Variants in SUN5 observed in about 807,000 individuals in gnomAD.
The protein encoded by SUN5 is SUN domain-containing protein 5.
A neutral mutation model predicts 53.7 loss-of-function variants in SUN5; 44 were observed. The ratio of observed to expected loss-of-function variants is 0.82; its 90% CI spans 0.64 to 1.05. SUN5 has a LOEUF of 1.05. Ranked by LOEUF, SUN5 falls within the 50% of genes least tolerant of loss-of-function variation. The probability of loss-of-function intolerance (pLI) is 0.00; values close to 1 mark genes in which losing one functional copy is unlikely to be tolerated. For synonymous variants in SUN5, 166 were observed against 179.8 expected (o/e 0.92, Z 0.62); for missense variants, 433 against 483.8 (o/e 0.90, Z 0.98).
intron 7 of SUN5, 135 bp from the exon 8 acceptor site, chr20:32,995,862 C>G (rs1056910463): frequency 1.4e-6 from 1 of 736,130 alleles, no homozygotes; most frequent in Admixed American, 2.2e-5. Context: ...CATCCCTGGA[C>G]CCATTCATCA....
Position 32,989,659 on chromosome 20 carries a change from C to A in SUN5, c.574G>T (p.Asp192Tyr). 1 of 1,614,070 alleles carries A rather than the reference C, an allele frequency of 6.2e-7. No homozygotes were observed. Among genetic ancestry groups the A allele is most frequent in the Non-Finnish European group, 8.5e-7 (1 of 1,180,032 alleles). ...GCAAAGTCTGGCTTTTCGATGTAAT[C>A]TCCGTGTATCATCTTCATTATTTTC... Reference protein sequence around the residue: ...AQKIMKMIHGDYIEKPDFALK... With the variant: ...AQKIMKMIHGYYIEKPDFALK... Residue 192 changes from aspartate (D) to tyrosine (Y), a missense_variant, in exon 9 of 13, where the codon GAT becomes TAT. By Grantham distance (160) the Asp-to-Tyr change is radical (BLOSUM62 -3). Coordinates refer to ENST00000356173, the MANE Select transcript of SUN5 (RefSeq NM_080675.4).
chr20:32,997,571 G>C, intron 6 of SUN5, 67 bp downstream of exon 6: 1 of 1,556,524 alleles, frequency 6.4e-7, no homozygotes, highest in Non-Finnish European at 8.8e-7. Context: ...ATGGAGCTGT[G>C]GAGGTGATAT....
At chr20:33,002,421 G>A (rs1311986625) in intron 3 of SUN5, among the ~76,000 whole-genome samples, 166 bp downstream of exon 3, 1 of 152,218 alleles carries the variant, frequency 6.6e-6, no homozygotes. Flanking sequence ...GACTTTGGCA[G>A]GAATGATACC....
At chr20:32,999,808 G>T in intron 5 of SUN5, 1 of 1,127,062 alleles carries the variant, frequency 8.9e-7, no homozygotes, top group East Asian at 2.6e-5. Context: ...GGTGGTGGCT[G>T]GAAAGAAGCC....
intron 8 of SUN5, 24 bp from the exon 9 acceptor site, chr20:32,989,722 T>C: frequency 6.2e-7 from 1 of 1,600,944 alleles, no homozygotes; most frequent in East Asian, 2.2e-5. Flanking sequence ...AAACACAAGT[T>C]GTGCCCTGGT....
chr20:32,984,672 C>T (rs560998696), intron 12 of SUN5, among the ~76,000 whole-genome samples: 241 of 152,352 alleles, frequency 1.6e-3, no homozygotes, highest in African/African-American at 5.5e-3. Flanking sequence ...AGTGGTCACT[C>T]CTCCGGACCT....
At chr20:33,001,559 TTTC>T (rs1381441307) in intron 3 of SUN5, among the ~76,000 whole-genome samples, 8 of 138,408 alleles carry the variant, frequency 5.8e-5, no homozygotes, top group African/African-American at 2.7e-4. Flanking sequence ...TCTTTCTTTC[TTTC>T]TTTTCTTCCT....
chr20:32,983,862 G>T lies in SUN5; in HGVS notation c.1072C>A (p.Arg358=). 1 of 1,599,500 alleles carries T rather than the reference G, an allele frequency of 6.3e-7. No individual in the cohort carries two copies. ...GGCGGGGCCACAGAGCCATGCACTC[G>T]CACGCGGTACAGGCAAGTGAAGCCT... ...NPGFTCLYRV[R]VHGSVAPPRE... The change falls in exon 13 of 13, where the codon CGA becomes AGA. Residue 358 remains arginine, a synonymous_variant. Transcript: ENST00000356173.
At position 32,990,636 on chromosome 20, in the gene SUN5, A is replaced by G. The variant is rs1470219637; in HGVS notation, c.535-938T>C. On this transcript the variant is annotated intron_variant, in intron 8 of 12. Coordinates refer to ENST00000356173, the MANE Select transcript of SUN5 (RefSeq NM_080675.4). Reference sequence around the variant, plus strand: ...CATGTTGAGAGGAAGCCCAGGCCACACGGAGAGGCCACAGATGGGTGCTTT... The same window carrying G: ...CATGTTGAGAGGAAGCCCAGGCCACGCGGAGAGGCCACAGATGGGTGCTTT... Among the ~76,000 whole-genome samples the G allele has an allele frequency of 2.0e-5, 3 of 152,212 alleles. No individual in the cohort carries two copies. The East Asian group carries it at 5.8e-4, about 29-fold the overall frequency.
chr20:32,999,053 A>C (rs1316151435), intron 5 of SUN5, among the ~76,000 whole-genome samples: 1 of 151,976 alleles, frequency 6.6e-6, no homozygotes, highest in Non-Finnish European at 1.5e-5. Context: ...AAAAAGAAGT[A>C]AAGGTCGTCC....
intron 4 of SUN5, among the ~76,000 whole-genome samples, chr20:33,000,616 G>T (rs908742906): frequency 6.6e-6 from 1 of 152,142 alleles, no homozygotes; most frequent in African/African-American, 2.4e-5. Flanking sequence ...ACTTCGGAAG[G>T]CTGAGGTGGG....
At chr20:32,994,705 C>A (rs1249401050) in intron 8 of SUN5, among the ~76,000 whole-genome samples, 1 of 152,036 alleles carries the variant, frequency 6.6e-6, no homozygotes, top group Non-Finnish European at 1.5e-5. Context: ...TCAAGACCAG[C>A]CAAGTCGACA....
rs979971815 is a variant in SUN5, at chr20:33,002,667, G to C, written c.137-6C>G. ...AGGCAACAGGATGTTGTCATCTGCAGAGAGCACAGGACTGTCATGTCACTG... is the reference window on the plus strand; with the variant it reads ...AGGCAACAGGATGTTGTCATCTGCACAGAGCACAGGACTGTCATGTCACTG... On this transcript the variant is annotated splice_polypyrimidine_tract_variant and splice_region_variant and intron_variant, in intron 2 of 12. Coordinates refer to ENST00000356173, the MANE Select transcript of SUN5 (RefSeq NM_080675.4). The C allele has an allele frequency of 1.2e-6, 2 of 1,614,238 alleles. No homozygotes were observed. The highest frequency in any genetic ancestry group is 8.5e-7 in the Non-Finnish European group (1 of 1,180,036).
Position 33,000,074 on chromosome 20 carries a change from C to T in SUN5, c.340G>A (p.Gly114Arg). 2.5e-6 allele frequency: 4 copies of T among 1,608,850 alleles called. No homozygotes were observed. The highest frequency in any genetic ancestry group is 3.4e-5 in the Admixed American group (2 of 59,284). The change falls in exon 5 of 13, where the codon GGA (glycine) becomes AGA (arginine). Residue 114 changes from glycine to arginine, a missense_variant and splice_region_variant. Coordinates refer to ENST00000356173, the MANE Select transcript of SUN5 (RefSeq NM_080675.4). ...KTGILLLCAF[G>R]FWMFSIHLPS... ...GACTGGGCAGGGCCCTGGGACACAC[C>T]GAAAGCACAGAGGAGCAGAATGCCT...
At chr20:32,985,250 TCTCC>T in intron 11 of SUN5, 65 bp from the exon 12 acceptor site, 1 of 1,480,052 alleles carries the variant, frequency 6.8e-7, no homozygotes, top group Admixed American at 1.7e-5. Flanking sequence ...GTGTCTCCCC[TCTCC>T]AGTGGAGACT....
chr20:33,000,495 A>G (rs1989972510), intron 4 of SUN5, among the ~76,000 whole-genome samples: 1 of 152,220 alleles, frequency 6.6e-6, no homozygotes, highest in Admixed American at 6.5e-5. Context: ...GTTTGGAAGA[A>G]TTTCCAAGGA....
At chr20:33,002,823 CT>C in intron 2 of SUN5, 37 bp downstream of exon 2, 1 of 1,612,536 alleles carries the variant, frequency 6.2e-7, no homozygotes, top group Non-Finnish European at 8.5e-7. Flanking sequence ...AGCCCCTCAG[CT>C]GCCCATGAAA....
intron 1 of SUN5, among the ~76,000 whole-genome samples, chr20:33,003,996 C>A (rs1402842491): frequency 6.6e-6 from 1 of 152,258 alleles, no homozygotes; most frequent in Non-Finnish European, 1.5e-5. Context: ...GAACGGAGCA[C>A]ATCAGACTGG....
chr20:32,985,959 C>A (rs1326349700), intron 10 of SUN5, 56 bp from the exon 11 acceptor site: 2 of 1,559,222 alleles, frequency 1.3e-6, no homozygotes, highest in East Asian at 4.5e-5. Context: ...GATCATCCCA[C>A]CTTTGATCCC....
Sources: allele counts gnomAD v4.1 joint callset (sites outside exome capture counted in the v4.1 genomes callset), GRCh38; gene constraint gnomAD v4.1.1; transcripts MANE v1.5; gene names NCBI Gene and HGNC (gene_info 2026-07-23, HGNC 2026-07-21).